CDK14: variants seen among roughly 807,000 people sequenced by gnomAD.
CDK14 encodes the protein cyclin dependent kinase 14.
Under a neutral mutation model 60.7 loss-of-function variants are expected in CDK14, and 34 were observed. That is an observed-to-expected ratio of 0.56 (90% CI 0.43 to 0.75). The LOEUF is 0.75. Among genes scored for constraint, CDK14 ranks in the 30% least tolerant of loss-of-function variants. The pLI is 0.00. For synonymous variants in CDK14, 197 were observed against 203.7 expected (o/e 0.97, Z 0.28); for missense variants, 482 against 564.1 (o/e 0.85, Z 1.47).
intron 9 of CDK14, among the ~76,000 whole-genome samples, chr7:90,964,366 A>G (rs2117603948): frequency 6.6e-6 from 1 of 152,350 alleles, no homozygotes; most frequent in South Asian, 2.1e-4. Flanking sequence ...AGTAGAAAAC[A>G]TATGGAAAAC....
intron 5 of CDK14, among the ~76,000 whole-genome samples, chr7:90,807,750 C>G (rs1282421139): frequency 6.6e-6 from 1 of 152,136 alleles, no homozygotes; most frequent in Non-Finnish European, 1.5e-5. Context: ...CTAGCATAAC[C>G]AGTGCAGAGA....
At chr7:90,623,254 G>T (rs1406159146) in intron 2 of CDK14, among the ~76,000 whole-genome samples, 2 of 152,178 alleles carry the variant, frequency 1.3e-5, no homozygotes, top group East Asian at 3.9e-4. Context: ...GATTTCTGCT[G>T]TGACTGAAAG....
At chr7:91,171,995 A>T (rs1312025514) in intron 14 of CDK14, among the ~76,000 whole-genome samples, 1 of 152,182 alleles carries the variant, frequency 6.6e-6, no homozygotes, top group Non-Finnish European at 1.5e-5. Context: ...AGTTGATTAG[A>T]TTTTTAAATT....
chr7:91,122,338 A>G (rs1401995267), intron 14 of CDK14, among the ~76,000 whole-genome samples: 1 of 152,202 alleles, frequency 6.6e-6, no homozygotes, highest in Non-Finnish European at 1.5e-5. Context: ...ATTTCCTGTA[A>G]GTAGGCTGTT....
chr7:90,899,063 T>C (rs1230989061), intron 6 of CDK14, among the ~76,000 whole-genome samples: 1 of 151,890 alleles, frequency 6.6e-6, no homozygotes, highest in African/African-American at 2.4e-5. Flanking sequence ...TTCTTTTTAA[T>C]ATATAGAAAT....
chr7:90,800,716 T>A (rs1244951752), intron 5 of CDK14, among the ~76,000 whole-genome samples: 1 of 152,194 alleles, frequency 6.6e-6, no homozygotes, highest in Non-Finnish European at 1.5e-5. Flanking sequence ...GTTGTATTGC[T>A]TTTCTAGGGC....
At chr7:90,638,315 G>T (rs1296722544) in intron 2 of CDK14, among the ~76,000 whole-genome samples, 1 of 152,078 alleles carries the variant, frequency 6.6e-6, no homozygotes, top group Admixed American at 6.6e-5. Flanking sequence ...AGCTCTTTTA[G>T]GGTAGGCCTG....
chr7:90,847,314 A>G (rs1421626049), intron 5 of CDK14, among the ~76,000 whole-genome samples: 1 of 152,232 alleles, frequency 6.6e-6, no homozygotes, highest in African/African-American at 2.4e-5. Context: ...TGAATAAATC[A>G]ATAAATACTT....
At chr7:91,039,953 G>A (rs1241760186) in intron 10 of CDK14, among the ~76,000 whole-genome samples, 2 of 152,090 alleles carry the variant, frequency 1.3e-5, no homozygotes, top group Non-Finnish European at 2.9e-5. Flanking sequence ...AGAATAGGGT[G>A]GAGTGTGCCT....
intron 2 of CDK14, among the ~76,000 whole-genome samples, chr7:90,647,308 G>T (rs1240375170): frequency 2.0e-5 from 3 of 152,008 alleles, no homozygotes; most frequent in Admixed American, 2.0e-4. Context: ...TAACCTCTGT[G>T]ACTGGTTCTT....
In CDK14 at chr7:90,837,448, C is replaced by T. The variant is rs553764373; in HGVS notation, c.545-25727C>T. Reference sequence around the variant, plus strand: ...GACTGCAGGTGCCCACCACCACACCCGGCTAATTAAATAATATTTCTAAGT... The same window carrying T: ...GACTGCAGGTGCCCACCACCACACCTGGCTAATTAAATAATATTTCTAAGT... On this transcript the variant is annotated intron_variant, in intron 5 of 14. Coordinates refer to ENST00000380050, the MANE Select transcript of CDK14 (RefSeq NM_001287135.2). Among the ~76,000 whole-genome samples the T allele has an allele frequency of 3.5e-4, 53 of 151,946 alleles. No homozygotes were observed. The South Asian group carries it at 5.0e-3, about 14-fold the overall frequency.
intron 2 of CDK14, among the ~76,000 whole-genome samples, chr7:90,618,489 T>C (rs1299051033): frequency 6.6e-6 from 1 of 152,208 alleles, no homozygotes; most frequent in African/African-American, 2.4e-5. Context: ...GGGCTCCACC[T>C]TGCCCTCAAG....
intron 9 of CDK14, among the ~76,000 whole-genome samples, chr7:90,971,384 G>T (rs1029281136): frequency 6.6e-6 from 1 of 152,020 alleles, no homozygotes; most frequent in African/African-American, 2.4e-5. Flanking sequence ...ATCAGGGGAG[G>T]CTTCACCCGG....
intron 8 of CDK14, among the ~76,000 whole-genome samples, chr7:90,938,846 A>G (rs185747995): frequency 3.4e-4 from 52 of 152,310 alleles, no homozygotes; most frequent in African/African-American, 1.2e-3. Flanking sequence ...TGAGACATAT[A>G]TACTGTATTT....
At chr7:91,182,879 A>T (rs1802047036) in intron 14 of CDK14, among the ~76,000 whole-genome samples, 1 of 152,218 alleles carries the variant, frequency 6.6e-6, no homozygotes, top group South Asian at 2.1e-4. Context: ...TTTTAACCAG[A>T]TCCTATTCCT....
intron 6 of CDK14, among the ~76,000 whole-genome samples, chr7:90,867,209 A>G (rs1429027960): frequency 2.0e-5 from 3 of 152,220 alleles, no homozygotes; most frequent in Non-Finnish European, 4.4e-5. Flanking sequence ...AAATATTATT[A>G]TAGCTGTCTT....
intron 5 of CDK14, among the ~76,000 whole-genome samples, chr7:90,811,538 A>T (rs1276017548): frequency 6.6e-6 from 1 of 152,148 alleles, no homozygotes; most frequent in Non-Finnish European, 1.5e-5. Context: ...AGGCAATACC[A>T]TTCAGGACAT....
At chr7:90,939,217 G>T (rs1283766903) in intron 8 of CDK14, among the ~76,000 whole-genome samples, 1 of 152,172 alleles carries the variant, frequency 6.6e-6, no homozygotes, top group Non-Finnish European at 1.5e-5. Context: ...AGAAGATAAA[G>T]GTATTAAGGA....
chr7:90,972,865 A>G (rs1371881674), intron 9 of CDK14, among the ~76,000 whole-genome samples: 1 of 152,206 alleles, frequency 6.6e-6, no homozygotes, highest in Non-Finnish European at 1.5e-5. Context: ...GAACAGCAGC[A>G]TCAACATGGC....
Sources: allele counts gnomAD v4.1 joint callset (sites outside exome capture counted in the v4.1 genomes callset), GRCh38; gene constraint gnomAD v4.1.1; transcripts MANE v1.5; gene names NCBI Gene and HGNC (gene_info 2026-07-23, HGNC 2026-07-21).